The following SLK variants were observed in gnomAD, a reference collection of about 807,000 sequenced individuals.
SLK encodes the protein STE20 like kinase, also known as STE20-like serine/threonine-protein kinase.
SLK carries 67 observed loss-of-function variants against 147.7 expected under a neutral mutation model. The observed-to-expected ratio is 0.45, with a 90% CI of 0.37 to 0.56. The LOEUF is 0.56. SLK is among the 20% of genes least tolerant of loss of function. The pLI, the probability that SLK is intolerant of heterozygous loss-of-function variation, is 0.00. For missense variants in SLK, 1,136 were observed against 1,438.8 expected (o/e 0.79, Z 3.41); for synonymous variants, 441 against 475.0 (o/e 0.93, Z 0.93).
intron 4 of SLK, among the ~76,000 whole-genome samples, chr10:103,994,961 C>G (rs1315993576): frequency 1.3e-5 from 2 of 152,042 alleles, no homozygotes; most frequent in Non-Finnish European, 2.9e-5. Context: ...TGCTTTGTGC[C>G]CTTTTTTGAT....
intron 11 of SLK, 21 bp from the exon 12 acceptor site, chr10:104,008,155 CT>C (rs1443508235): frequency 1.3e-6 from 2 of 1,589,700 alleles, no homozygotes; most frequent in Admixed American, 1.8e-5. Context: ...AAGTTATCAT[CT>C]TGAGCTATAT....
chr10:103,999,002 TTA>T (rs778458758), intron 5 of SLK, 31 bp downstream of exon 5: 1 of 1,556,156 alleles, frequency 6.4e-7, no homozygotes, highest in Non-Finnish European at 8.8e-7. Context: ...ATTTATAGTA[TTA>T]GTCATGTCAG....
chr10:104,008,400 A>T (rs805664), intron 12 of SLK, 44 bp downstream of exon 12: 1,147,209 of 1,193,170 alleles, frequency 0.96, 552,334 homozygotes, highest in Non-Finnish European at 0.97. Context: ...CTTTTTTTTT[A>T]AAAAAATTGT....
At chr10:103,972,465 G>A (rs1204937499) in intron 1 of SLK, among the ~76,000 whole-genome samples, 1 of 152,206 alleles carries the variant, frequency 6.6e-6, no homozygotes, top group East Asian at 1.9e-4. Flanking sequence ...GAAGTCAGGA[G>A]ATCGAGACCA....
chr10:104,001,627 T>C, intron 8 of SLK, 55 bp downstream of exon 8: 5 of 1,591,892 alleles, frequency 3.1e-6, no homozygotes, highest in Non-Finnish European at 4.3e-6. Flanking sequence ...TTTTGAGGTG[T>C]AGTTGCTCCT....
rs1844520824 is a variant in SLK at position 104,020,522 on chromosome 10, A to G, written c.3356A>G (p.Glu1119Gly). The part of the protein sequence containing the change: ...AAQEEKRQKN[E>G]RMAQHQKHEN... ...CAAGAAGAAAAGAGGCAGAAAAATG[A>G]GAGAATGGCTCAGCATCAGAAACAT... Residue 1119 changes from glutamate (E) to glycine (G), a missense_variant, in exon 17 of 19, where the codon GAG (glutamate) becomes GGG (glycine). Physicochemically the swap from Glu to Gly is moderately conservative, Grantham distance 98. Transcript: ENST00000369755. 6.2e-7 allele frequency: 1 copy of G among 1,613,668 alleles called. No homozygotes were observed. The highest frequency in any genetic ancestry group is 8.5e-7 in the Non-Finnish European group (1 of 1,179,792).
chr10:104,018,828 G>A lies in SLK; in HGVS notation c.3052G>A (p.Glu1018Lys). 1 of 1,613,142 alleles carries A rather than the reference G, an allele frequency of 6.2e-7. No individual in the cohort carries two copies. The highest frequency in any genetic ancestry group is 8.5e-7 in the Non-Finnish European group (1 of 1,179,740). ...IWELEERHLQ[E>K]KHQLLKQQLK... ...GGAGCTCGAAGAACGACACTTACAA[G>A]AAAAACACCAGCTGCTCAAACAGCA... is the stretch of plus-strand genomic sequence containing the variant. Residue 1018 changes from glutamate to lysine, a missense_variant, in exon 15 of 19, where the codon GAA becomes AAA. Physicochemically the swap from Glu to Lys is moderately conservative, Grantham distance 56. This residue lies in a region of SLK where 327 missense variants were observed against 457.5 expected (regional missense o/e 0.71). Coordinates refer to ENST00000369755, the MANE Select transcript of SLK (RefSeq NM_014720.4).
At chr10:104,019,228 A>T (rs1450122070) in intron 15 of SLK, 1 of 214,906 alleles carries the variant, frequency 4.7e-6, no homozygotes, top group Non-Finnish European at 9.4e-6. Flanking sequence ...GACTCCTTGT[A>T]CTTATTAAGA....
chr10:104,024,840 G>A (rs998365505), intron 18 of SLK, among the ~76,000 whole-genome samples: 2 of 152,182 alleles, frequency 1.3e-5, no homozygotes, highest in African/African-American at 4.8e-5. Flanking sequence ...ACAGACTGCC[G>A]ACTTCTCACC....
At chr10:103,974,189 C>G (rs1053716635) in intron 1 of SLK, among the ~76,000 whole-genome samples, 2 of 152,126 alleles carry the variant, frequency 1.3e-5, no homozygotes, top group African/African-American at 4.8e-5. Flanking sequence ...AGCCTCCACC[C>G]ACCACTTCCC....
intron 15 of SLK, 35 bp downstream of exon 15, chr10:104,018,943 C>A: frequency 2.0e-6 from 3 of 1,533,866 alleles, no homozygotes; most frequent in South Asian, 1.3e-5. Context: ...TTTTTTTGTT[C>A]GTTTTAAAGT....
chr10:103,967,556 C>T lies in SLK; in HGVS notation c.-190C>T, dbSNP rs1036150549. Reference sequence around the variant, plus strand: ...GGCGGAGGGGCCGCTCGCGCAGCACCCCCACCGCGGGCCGGAGCCCGGGTC... The same window carrying T: ...GGCGGAGGGGCCGCTCGCGCAGCACTCCCACCGCGGGCCGGAGCCCGGGTC... On this transcript the variant is annotated 5_prime_UTR_variant, in exon 1 of 19. Coordinates refer to ENST00000369755, the MANE Select transcript of SLK (RefSeq NM_014720.4). 3.7e-5 allele frequency: 6 copies of T among 160,400 alleles called. No homozygotes were observed. The South Asian group carries it at 9.9e-4, about 26-fold the overall frequency. 9.9% of individuals were successfully genotyped at this position (160,400 alleles called of 1,614,324 possible). A position where few individuals can be genotyped will look rare whatever the true frequency, so the allele number is the denominator to read the frequency against.
In SLK at chr10:104,018,292, A is replaced by G; in HGVS notation, c.3007+3A>G. 6.3e-7 allele frequency: 1 copy of G among 1,596,540 alleles called. No individual in the cohort carries two copies. The highest frequency in any genetic ancestry group is 8.5e-7 in the Non-Finnish European group (1 of 1,175,408). ...TAACAAGCAACAGCTCATGAGAGGT[A>G]ATTTTTTTAAAATTAAGAAATACTG... On this transcript the variant is annotated splice_donor_region_variant and intron_variant, in intron 14 of 18. Transcript: ENST00000369755.
chr10:104,022,786 T>G (rs1844552438), intron 18 of SLK, among the ~76,000 whole-genome samples: 1 of 152,150 alleles, frequency 6.6e-6, no homozygotes, highest in Non-Finnish European at 1.5e-5. Context: ...TTTTGTATTT[T>G]CAGTAGAGAC....
intron 18 of SLK, among the ~76,000 whole-genome samples, chr10:104,022,071 C>T (rs1844543034): frequency 6.6e-6 from 1 of 152,110 alleles, no homozygotes; most frequent in Non-Finnish European, 1.5e-5. Flanking sequence ...TGAGTAAGAA[C>T]TTGCTAAGCG....
At chr10:103,970,701 A>G (rs571729706) in intron 1 of SLK, among the ~76,000 whole-genome samples, 1 of 152,338 alleles carries the variant, frequency 6.6e-6, no homozygotes, top group African/African-American at 2.4e-5. Context: ...GAACCTTAAC[A>G]TAGTACGTAG....
intron 14 of SLK, 44 bp from the exon 15 acceptor site, chr10:104,018,740 T>G (rs1564663821): frequency 6.3e-7 from 1 of 1,582,600 alleles, no homozygotes. Flanking sequence ...AGTACATTAG[T>G]AAAAAAAGAG....
intron 11 of SLK, 148 bp downstream of exon 11, chr10:104,006,183 A>G (rs1844323402): frequency 1.2e-6 from 1 of 841,264 alleles, no homozygotes; most frequent in South Asian, 1.8e-5. Context: ...TGGCATTTTT[A>G]CCCTTTTGGT....
At chr10:103,967,947 C>A in intron 1 of SLK, 52 bp downstream of exon 1, 1 of 1,583,788 alleles carries the variant, frequency 6.3e-7, no homozygotes, top group Non-Finnish European at 8.7e-7. Flanking sequence ...CAGCCACTGG[C>A]CTGGAGTGGC....
Sources: gnomAD v4.1 joint callset for allele counts (sites outside exome capture counted in the v4.1 genomes callset) on GRCh38, gnomAD v4.1.1 for gene constraint, gnomAD v4.1.1 regional missense constraint, MANE v1.5 for transcripts, NCBI Gene and HGNC (gene_info 2026-07-23, HGNC 2026-07-21) for gene names.